Variants in IGFL2 observed in about 807,000 individuals in gnomAD.
IGFL2 encodes insulin growth factor-like family member 2.
A neutral mutation model predicts 13.9 loss-of-function variants in IGFL2; 7 were observed. The observed-to-expected ratio is 0.51, with a 90% CI of 0.29 to 0.95. The LOEUF (loss-of-function observed/expected upper bound fraction) is 0.95. Ranked by LOEUF, IGFL2 falls within the 40% of genes least tolerant of loss-of-function variation. The pLI, the probability that IGFL2 is intolerant of heterozygous loss-of-function variation, is 0.08. For missense variants in IGFL2, 138 were observed against 147.8 expected (o/e 0.93, Z 0.34); for synonymous variants, 55 against 55.8 (o/e 0.99, Z 0.07).
the IGFL2 span, chr19:46,120,041 A>G: frequency 2.2e-6 from 1 of 453,692 alleles, no homozygotes; most frequent in Non-Finnish European, 4.0e-6. Context: ...CTCAGTGTCC[A>G]GGAAGAATCA....
At chr19:46,123,967 TG>T in the IGFL2 span, 2 of 1,611,512 alleles carry the variant, frequency 1.2e-6, no homozygotes, top group Non-Finnish European at 1.7e-6. Flanking sequence ...AAACTTCTGC[TG>T]GGGGCCAAAA....
intron 1 of IGFL2, among the ~76,000 whole-genome samples, chr19:46,156,667 G>A (rs1481239819): frequency 6.6e-6 from 1 of 152,116 alleles, no homozygotes; most frequent in Non-Finnish European, 1.5e-5. Flanking sequence ...AACTTATTGT[G>A]CTAAATAGTT....
chr19:46,093,295 A>C, the IGFL2 span, among the ~76,000 whole-genome samples: 4 of 152,226 alleles, frequency 2.6e-5, no homozygotes, highest in Non-Finnish European at 5.9e-5. Context: ...TATAAAACTT[A>C]AGACATTAAT....
chr19:46,168,932 GTGTGTGTA>G, the IGFL2 span, among the ~76,000 whole-genome samples: 4 of 151,800 alleles, frequency 2.6e-5, no homozygotes, highest in South Asian at 8.3e-4. Flanking sequence ...GTGTGTGTGT[GTGTGTGTA>G]TGTGTATGTG....
chr19:46,206,790 C>G, the IGFL2 span: 1 of 152,194 alleles, frequency 6.6e-6, no homozygotes, highest in African/African-American at 2.4e-5. Context: ...TTGGAGATCA[C>G]TGCTCTACCC....
the IGFL2 span, among the ~76,000 whole-genome samples, chr19:46,171,207 C>G: frequency 6.6e-6 from 1 of 152,038 alleles, no homozygotes. Context: ...TCAGACTGGC[C>G]GACACTTAGG....
the IGFL2 span, among the ~76,000 whole-genome samples, chr19:46,128,725 G>A: frequency 6.6e-6 from 1 of 152,142 alleles, no homozygotes; most frequent in Non-Finnish European, 1.5e-5. Context: ...AGCTTTTCAT[G>A]TGCTGCTGGA....
the IGFL2 span, chr19:46,123,738 A>T: frequency 1.2e-6 from 1 of 846,492 alleles, no homozygotes; most frequent in Non-Finnish European, 1.8e-6. Context: ...CTTATAGCTT[A>T]TCTGCTTCTT....
intron 1 of IGFL2, among the ~76,000 whole-genome samples, chr19:46,153,582 T>G (rs1471420224): frequency 6.6e-6 from 1 of 152,078 alleles, no homozygotes; most frequent in Admixed American, 6.5e-5. Flanking sequence ...TGCCATTACT[T>G]TTAAGACCAG....
the IGFL2 span, among the ~76,000 whole-genome samples, chr19:46,109,987 A>G: frequency 4.7e-4 from 71 of 152,274 alleles, no homozygotes; most frequent in Non-Finnish European, 7.2e-4. Flanking sequence ...AATAACTGTA[A>G]GTTTCTGTTT....
At chr19:46,099,845 CT>C in the IGFL2 span, among the ~76,000 whole-genome samples, 1 of 152,042 alleles carries the variant, frequency 6.6e-6, no homozygotes, top group African/African-American at 2.4e-5. Context: ...CCTTTTCATT[CT>C]TTTTTTCTCA....
the IGFL2 span, chr19:46,124,220 T>C: frequency 1.2e-6 from 2 of 1,609,202 alleles, no homozygotes; most frequent in Non-Finnish European, 1.7e-6. Flanking sequence ...CAGTCTCTTT[T>C]CCCAACACCA....
chr19:46,105,821 A>C, the IGFL2 span, among the ~76,000 whole-genome samples: 2 of 152,176 alleles, frequency 1.3e-5, no homozygotes, highest in Admixed American at 1.3e-4. Context: ...AGTTGTTTGG[A>C]CAGAAAGGCT....
the IGFL2 span, among the ~76,000 whole-genome samples, chr19:46,094,761 C>T: frequency 1.3e-5 from 2 of 152,080 alleles, no homozygotes; most frequent in Non-Finnish European, 2.9e-5. Flanking sequence ...CTCTCACTTA[C>T]AAGTGAGAAC....
chr19:46,212,675 A>T, the IGFL2 span: 5 of 151,990 alleles, frequency 3.3e-5, no homozygotes, highest in South Asian at 6.2e-4. Context: ...AAACACAAGA[A>T]CGACAATAAC....
At chr19:46,135,849 C>G in the IGFL2 span, among the ~76,000 whole-genome samples, 1 of 152,186 alleles carries the variant, frequency 6.6e-6, no homozygotes, top group Non-Finnish European at 1.5e-5. Context: ...CAGACTTCAC[C>G]CATGTCAACA....
chr19:46,189,582 A>G, the IGFL2 span: 2 of 152,344 alleles, frequency 1.3e-5, no homozygotes, highest in South Asian at 2.1e-4. Flanking sequence ...GGTAACGGGC[A>G]TCTTCCCGGG....
the IGFL2 span, among the ~76,000 whole-genome samples, chr19:46,089,727 T>C: frequency 4.5e-3 from 682 of 152,182 alleles, 7 homozygotes; most frequent in African/African-American, 0.015. Context: ...GGTGAGCATA[T>C]TGAAACTCCC....
chr19:46,173,445 T>G, the IGFL2 span: 2 of 152,186 alleles, frequency 1.3e-5, no homozygotes, highest in African/African-American at 4.8e-5. Flanking sequence ...GAAAAGAGAT[T>G]TAATTGGCTC....
Sources: allele counts gnomAD v4.1 joint callset (sites outside exome capture counted in the v4.1 genomes callset), GRCh38; gene constraint gnomAD v4.1.1; transcripts MANE v1.5; gene names NCBI Gene and HGNC (gene_info 2026-07-23, HGNC 2026-07-21).